Variants in UNC5D observed in about 807,000 individuals in gnomAD.
UNC5D encodes the protein netrin receptor UNC5D.
In UNC5D, 39 loss-of-function variants were observed where a neutral mutation model predicts 105.4. That is an observed-to-expected ratio of 0.37 (90% CI 0.29 to 0.48). The LOEUF (loss-of-function observed/expected upper bound fraction) is 0.48, where lower values mean the gene tolerates loss of function less well. UNC5D is among the 20% of genes least tolerant of loss of function. The probability of loss-of-function intolerance (pLI) is 0.98; values close to 1 mark genes in which losing one functional copy is unlikely to be tolerated. For missense variants in UNC5D, 991 were observed against 1,202.4 expected (o/e 0.82, Z 2.60); for synonymous variants, 452 against 450.4 (o/e 1.00, Z -0.04).
intron 1 of UNC5D, among the ~76,000 whole-genome samples, chr8:35,378,304 A>G (rs1802819551): frequency 6.6e-6 from 1 of 152,160 alleles, no homozygotes; most frequent in African/African-American, 2.4e-5. Context: ...TTTTTTACTT[A>G]GTGTCAACCC....
At chr8:35,768,260 T>C (rs1194258714) in intron 15 of UNC5D, among the ~76,000 whole-genome samples, 1 of 152,176 alleles carries the variant, frequency 6.6e-6, no homozygotes, top group Admixed American at 6.5e-5. Flanking sequence ...TTAAAATTCA[T>C]AGCTGTCTTA....
intron 1 of UNC5D, among the ~76,000 whole-genome samples, chr8:35,360,959 G>A (rs959561594): frequency 6.6e-6 from 1 of 152,004 alleles, no homozygotes; most frequent in Non-Finnish European, 1.5e-5. Context: ...TTTTATTCAA[G>A]TTGCTTTTAA....
At position 35,698,484 on chromosome 8, in the gene UNC5D, A is replaced by G. The variant is rs1409233782; in HGVS notation, c.1085-7445A>G. Among the ~76,000 whole-genome samples the G allele has an allele frequency of 2.7e-5, 4 of 150,624 alleles. No homozygotes were observed. The East Asian group carries it at 7.7e-4, about 29-fold the overall frequency. ...CTGTCTCTATGAGTTTGGTATCTTTAGATTCCTCATATAAGTGAAATCAAA... is the reference window on the plus strand; with the variant it reads ...CTGTCTCTATGAGTTTGGTATCTTTGGATTCCTCATATAAGTGAAATCAAA... On this transcript the variant is annotated intron_variant, in intron 7 of 16. Coordinates refer to ENST00000404895, the MANE Select transcript of UNC5D (RefSeq NM_080872.4).
chr8:35,736,843 A>G (rs1189850330), intron 11 of UNC5D, among the ~76,000 whole-genome samples: 2 of 152,228 alleles, frequency 1.3e-5, no homozygotes. Flanking sequence ...ATGAGGCTGA[A>G]GAAATAAGGA....
chr8:35,449,106 A>C (rs1807981407), intron 1 of UNC5D, among the ~76,000 whole-genome samples: 2 of 152,214 alleles, frequency 1.3e-5, no homozygotes, highest in Non-Finnish European at 2.9e-5. Context: ...ATGGACACTT[A>C]AACTGATGAC....
intron 4 of UNC5D, among the ~76,000 whole-genome samples, chr8:35,640,065 T>C (rs904762731): frequency 1.3e-5 from 2 of 152,086 alleles, no homozygotes; most frequent in African/African-American, 4.8e-5. Flanking sequence ...ATGGTCCATT[T>C]CATTTATTTG....
At position 35,677,878 on chromosome 8, in the gene UNC5D, G is replaced by A. The variant is rs117990773; in HGVS notation, c.571-5669G>A. Among the ~76,000 whole-genome samples, 881 of 131,080 alleles carry A rather than the reference G, an allele frequency of 6.7e-3. 5 individuals are homozygous for A. Among genetic ancestry groups the A allele is most frequent in the Non-Finnish European group, 7.8e-3 (442 of 56,770 alleles). 86.0% of individuals were successfully genotyped at this position (131,080 alleles called of 152,430 possible). On this transcript the variant is annotated intron_variant, in intron 4 of 16. Transcript: ENST00000404895. The stretch of plus-strand genomic sequence containing the variant: ...AGCCATGAGAGTAGGTTTTTATAGG[G>A]TGTGTGAGTGTCTGTGTGTGTGTGT...
At chr8:35,749,160 A>AT (rs900007998) in intron 12 of UNC5D, among the ~76,000 whole-genome samples, 10 of 151,260 alleles carry the variant, frequency 6.6e-5, no homozygotes, top group Admixed American at 2.6e-4. Context: ...AGGGCTTAAT[A>AT]TTTTTTTTTA....
intron 1 of UNC5D, among the ~76,000 whole-genome samples, chr8:35,258,285 T>A (rs1383032429): frequency 2.0e-5 from 3 of 152,234 alleles, no homozygotes; most frequent in Admixed American, 1.3e-4. Context: ...ATGGCCTAAT[T>A]ACCTCCCAAA....
chr8:35,378,134 A>G (rs2128929920), intron 1 of UNC5D, among the ~76,000 whole-genome samples: 1 of 152,256 alleles, frequency 6.6e-6, no homozygotes, highest in Middle Eastern at 3.4e-3. Context: ...GAGGATAAGC[A>G]TGCTGGCTTC....
chr8:35,274,780 C>A (rs976589491), intron 1 of UNC5D, among the ~76,000 whole-genome samples: 3 of 152,058 alleles, frequency 2.0e-5, no homozygotes, highest in African/African-American at 7.2e-5. Flanking sequence ...TTTTTGTTGG[C>A]AAAATGATTT....
intron 10 of UNC5D, among the ~76,000 whole-genome samples, chr8:35,728,053 A>G (rs1369644378): frequency 7.1e-6 from 1 of 140,688 alleles, no homozygotes; most frequent in Non-Finnish European, 1.5e-5. Flanking sequence ...CGAGGGCAAC[A>G]TAGCAAGTTG....
At position 35,263,429 on chromosome 8, in the gene UNC5D, G is replaced by T. The variant is rs376380298; in HGVS notation, c.103+27542G>T. ...AAAAGCATTTTTTTTTTAGAGACAG[G>T]GTCTTGCTCTGTTACCCAGGCTGGA... On this transcript the variant is annotated intron_variant, in intron 1 of 16. Coordinates refer to ENST00000404895, the MANE Select transcript of UNC5D (RefSeq NM_080872.4). Among the ~76,000 whole-genome samples, 4 of 151,906 alleles carry T rather than the reference G, an allele frequency of 2.6e-5. No individual in the cohort carries two copies. In the East Asian group the frequency reaches 7.7e-4, roughly 29 times the overall value.
chr8:35,638,778 T>A (rs946471703), intron 4 of UNC5D, among the ~76,000 whole-genome samples: 1 of 151,948 alleles, frequency 6.6e-6, no homozygotes, highest in African/African-American at 2.4e-5. Context: ...CCAGCCTGGG[T>A]GATAAAGCAA....
chr8:35,340,364 C>A (rs2128901398), intron 1 of UNC5D, among the ~76,000 whole-genome samples: 1 of 152,278 alleles, frequency 6.6e-6, no homozygotes, highest in African/African-American at 2.4e-5. Flanking sequence ...AGGGCCAGAT[C>A]CAGCAACATA....
chr8:35,710,934 CTT>C (rs775014566), intron 8 of UNC5D, among the ~76,000 whole-genome samples: 3 of 114,374 alleles, frequency 2.6e-5, no homozygotes, highest in Non-Finnish European at 3.4e-5. Flanking sequence ...CAGCATTATT[CTT>C]TTTTTTTTTT....
intron 3 of UNC5D, among the ~76,000 whole-genome samples, chr8:35,585,526 A>ATGTG (rs10570182): frequency 5.1e-4 from 76 of 148,936 alleles, no homozygotes; most frequent in East Asian, 1.4e-3. Flanking sequence ...CAACCATAAT[A>ATGTG]TGTGTGTGTG....
In UNC5D at chr8:35,686,566, G is replaced by A; in HGVS notation, c.941G>A (p.Trp314Ter). The A allele has an allele frequency of 6.3e-7, 1 of 1,587,448 alleles. No individual in the cohort carries two copies. Among genetic ancestry groups the A allele is most frequent in the East Asian group, 2.3e-5 (1 of 43,246 alleles). The change falls in exon 7 of 17, where the codon TGG becomes TAG. Residue 314 changes from tryptophan (W) to a stop codon, truncating the protein, a stop_gained. Coordinates refer to ENST00000404895, the MANE Select transcript of UNC5D (RefSeq NM_080872.4). LOFTEE classifies it high-confidence loss of function. ...GAAGTGGATGGGAGCTGGGAAGTGTGGAGCGAATGGTCCGTCTGCAGTCCA... is the reference window on the plus strand; with the variant it reads ...GAAGTGGATGGGAGCTGGGAAGTGTAGAGCGAATGGTCCGTCTGCAGTCCA... Reference protein sequence around the residue: ...LCPVDGSWEVWSEWSVCSPEC... With the variant: ...LCPVDGSWEV
chr8:35,581,711 T>G (rs1456137664), intron 3 of UNC5D, among the ~76,000 whole-genome samples: 4 of 152,002 alleles, frequency 2.6e-5, no homozygotes. Context: ...AAACATCACA[T>G]GTACTCCATA....
Sources: allele counts gnomAD v4.1 joint callset (sites outside exome capture counted in the v4.1 genomes callset), GRCh38; gene constraint gnomAD v4.1.1; transcripts MANE v1.5; gene names NCBI Gene and HGNC (gene_info 2026-07-23, HGNC 2026-07-21).